Variants in SBF2 observed in about 807,000 individuals in gnomAD.
SBF2 encodes the protein myotubularin-related protein 13.
In SBF2, 112 loss-of-function variants were observed where a neutral mutation model predicts 225.2. The observed-to-expected ratio is 0.50, with a 90% CI of 0.43 to 0.58. SBF2 has a LOEUF of 0.58. Among genes scored for constraint, SBF2 ranks in the 20% least tolerant of loss-of-function variants. The pLI is 0.00. For missense variants in SBF2, 1,996 were observed against 2,206.2 expected, an observed-to-expected ratio of 0.90 and a Z score of 1.91; for synonymous variants, 763 against 773.3, an observed-to-expected ratio of 0.99 and a Z score of 0.22.
At chr11:10,150,076 A>G (rs1183772238) in intron 2 of SBF2, among the ~76,000 whole-genome samples, 1 of 152,150 alleles carries the variant, frequency 6.6e-6, no homozygotes, top group African/African-American at 2.4e-5. Context: ...AAATGGTTAT[A>G]ATAGAATAAC....
Position 10,150,382 on chromosome 11 carries a change from C to T in SBF2, c.141+43520G>A, listed in dbSNP as rs539744937. ...AGAAAACTCATTACTTTTTCAGGGG[C>T]GAAACACTATTTTCATTCCTGACCA... On this transcript the variant is annotated intron_variant, in intron 2 of 39. Coordinates refer to ENST00000256190, the MANE Select transcript of SBF2 (RefSeq NM_030962.4). Among the ~76,000 whole-genome samples, 9 of 151,886 alleles carry T rather than the reference C, an allele frequency of 5.9e-5. No individual in the cohort carries two copies. The East Asian group carries it at 1.2e-3, about 20-fold the overall frequency.
intron 1 of SBF2, among the ~76,000 whole-genome samples, chr11:10,239,917 C>G (rs1959185210): frequency 6.6e-6 from 1 of 152,040 alleles, no homozygotes; most frequent in Non-Finnish European, 1.5e-5. Flanking sequence ...AGAAGAACAG[C>G]ATGAATAAAA....
intron 2 of SBF2, among the ~76,000 whole-genome samples, chr11:10,171,139 T>C (rs1299757843): frequency 1.3e-5 from 2 of 152,150 alleles, no homozygotes; most frequent in East Asian, 1.9e-4. Flanking sequence ...CTTCCTTCTC[T>C]TATCTGGTTG....
At chr11:10,042,558 G>A (rs1315424923) in intron 3 of SBF2, among the ~76,000 whole-genome samples, 1 of 152,104 alleles carries the variant, frequency 6.6e-6, no homozygotes, top group East Asian at 1.9e-4. Flanking sequence ...GAAAATCACA[G>A]GTTCACCAAG....
intron 13 of SBF2, among the ~76,000 whole-genome samples, chr11:9,969,490 T>C (rs1051599711): frequency 6.6e-6 from 1 of 152,224 alleles, no homozygotes; most frequent in Non-Finnish European, 1.5e-5. Flanking sequence ...GGCCTTTCTA[T>C]ATGATGTGTC....
At chr11:10,175,515 G>C (rs1264284481) in intron 2 of SBF2, among the ~76,000 whole-genome samples, 1 of 151,604 alleles carries the variant, frequency 6.6e-6, no homozygotes, top group African/African-American at 2.4e-5. Flanking sequence ...CATAAAGCAA[G>C]TCCTGAGCGA....
chr11:9,920,471 A>T (rs1863530800), intron 16 of SBF2, among the ~76,000 whole-genome samples: 2 of 152,164 alleles, frequency 1.3e-5, no homozygotes, highest in South Asian at 4.1e-4. Flanking sequence ...ATTACCACAC[A>T]TATGGATTAG....
rs1002996669 is a variant in SBF2 at position 9,807,981 on chromosome 11, T to A, written c.4443+19A>T. On this transcript the variant is annotated intron_variant, in intron 32 of 39. Coordinates refer to ENST00000256190, the MANE Select transcript of SBF2 (RefSeq NM_030962.4). The stretch of plus-strand genomic sequence containing the variant: ...GTTCTTTCCTTCATATCAAGTCAAC[T>A]CAAGCTTGCTCTACTTACCTGGTGT... 3.7e-6 allele frequency: 6 copies of A among 1,612,050 alleles called. No homozygotes were observed. Among genetic ancestry groups the A allele is most frequent in the Admixed American group, 1.7e-5 (1 of 59,998 alleles).
chr11:10,134,699 G>C (rs1278198335), intron 2 of SBF2, among the ~76,000 whole-genome samples: 3 of 152,178 alleles, frequency 2.0e-5, no homozygotes, highest in African/African-American at 7.2e-5. Flanking sequence ...TTGACTCCAG[G>C]TCTCATATCC....
chr11:10,169,806 G>C (rs1956116975), intron 2 of SBF2, among the ~76,000 whole-genome samples: 1 of 152,146 alleles, frequency 6.6e-6, no homozygotes, highest in African/African-American at 2.4e-5. Context: ...AACACTGTGT[G>C]AGGGTTCTCT....
At chr11:10,050,064 A>G (rs1950007509) in intron 2 of SBF2, among the ~76,000 whole-genome samples, 1 of 152,204 alleles carries the variant, frequency 6.6e-6, no homozygotes, top group Non-Finnish European at 1.5e-5. Flanking sequence ...TTAACAGCAA[A>G]TAATCCCATT....
intron 3 of SBF2, among the ~76,000 whole-genome samples, chr11:10,034,625 C>T (rs1416301303): frequency 6.6e-6 from 1 of 152,184 alleles, no homozygotes; most frequent in African/African-American, 2.4e-5. Context: ...TACTGTATCA[C>T]ACTAAAAATC....
At chr11:9,970,877 A>G (rs1867285658) in intron 13 of SBF2, among the ~76,000 whole-genome samples, 8 of 152,232 alleles carry the variant, frequency 5.3e-5, no homozygotes. Context: ...TCCAACTCTT[A>G]GTAATCACTC....
intron 16 of SBF2, among the ~76,000 whole-genome samples, chr11:9,904,723 G>A (rs1029409305): frequency 2.0e-5 from 3 of 152,114 alleles, no homozygotes; most frequent in Non-Finnish European, 4.4e-5. Context: ...CCTCATACTG[G>A]TCCATAAAAT....
chr11:10,262,168 T>G (rs933766881), intron 1 of SBF2, among the ~76,000 whole-genome samples: 7 of 152,138 alleles, frequency 4.6e-5, no homozygotes, highest in Non-Finnish European at 1.0e-4. Flanking sequence ...TGGGGGAAGA[T>G]ACTGGTATCA....
intron 16 of SBF2, among the ~76,000 whole-genome samples, chr11:9,932,057 A>G (rs1864537304): frequency 6.6e-6 from 1 of 152,332 alleles, no homozygotes; most frequent in East Asian, 1.9e-4. Context: ...TTAATGAAAT[A>G]AAGTGAGAAG....
intron 1 of SBF2, among the ~76,000 whole-genome samples, chr11:10,236,075 C>T (rs776091437): frequency 5.3e-5 from 8 of 151,802 alleles, no homozygotes; most frequent in African/African-American, 1.9e-4. Context: ...TGTCTCAAAA[C>T]AAAACAAAAC....
In SBF2 at chr11:9,780,413, GGGCATCA is replaced by G. The variant is rs768008714; in HGVS notation, c.5548_*4del. The G allele has an allele frequency of 6.2e-7, 1 of 1,611,094 alleles. No individual in the cohort carries two copies. The highest frequency in any genetic ancestry group is 1.3e-5 in the African/African-American group (1 of 74,974). On this transcript the variant is annotated stop_lost and 3_prime_UTR_variant, in exon 40 of 40. Transcript: ENST00000256190. ...TGTTTCTTCTGCGTGGGTTGACCAT[GGGCATCA>G]GGCATCAGAGATACAACTCTGGATC...
chr11:10,109,569 CACA>C (rs1412981774), intron 2 of SBF2, among the ~76,000 whole-genome samples: 1 of 152,146 alleles, frequency 6.6e-6, no homozygotes, highest in East Asian at 1.9e-4. Context: ...ACTCAGTGCA[CACA>C]ACATGATATT....
Sources: allele counts gnomAD v4.1 joint callset (sites outside exome capture counted in the v4.1 genomes callset), GRCh38; gene constraint gnomAD v4.1.1; transcripts MANE v1.5; gene names NCBI Gene and HGNC (gene_info 2026-07-23, HGNC 2026-07-21).